The following PKHD1 variants were observed in gnomAD, a reference collection of about 807,000 sequenced individuals.
PKHD1 encodes the protein PKHD1 ciliary IPT domain containing fibrocystin/polyductin, also known as fibrocystin.
PKHD1 carries 291 observed loss-of-function variants against 412.0 expected under a neutral mutation model. The ratio of observed to expected loss-of-function variants is 0.71; its 90% CI spans 0.64 to 0.78. PKHD1 has a LOEUF of 0.78. PKHD1 is among the 30% of genes least tolerant of loss of function. PKHD1 has a pLI of 0.00. For synonymous variants in PKHD1, 1,777 were observed against 1,821.5 expected, an observed-to-expected ratio of 0.98 and a Z score of 0.62; for missense variants, 4,825 against 4,950.7, an observed-to-expected ratio of 0.97 and a Z score of 0.76.
chr6:51,791,687 T>C (rs1793776783), intron 52 of PKHD1, among the ~76,000 whole-genome samples: 1 of 152,212 alleles, frequency 6.6e-6, no homozygotes, highest in Non-Finnish European at 1.5e-5. Context: ...CCCTTTGTCC[T>C]GTCTCTTCAC....
intron 25 of PKHD1, among the ~76,000 whole-genome samples, chr6:52,044,756 T>C (rs1184079106): frequency 1.3e-5 from 2 of 152,224 alleles, no homozygotes; most frequent in African/African-American, 4.8e-5. Flanking sequence ...ATAATTATAA[T>C]AGAATATTGT....
intron 40 of PKHD1, among the ~76,000 whole-genome samples, chr6:51,907,052 C>T (rs1782213997): frequency 6.6e-6 from 1 of 152,050 alleles, no homozygotes; most frequent in Non-Finnish European, 1.5e-5. Context: ...TTGTGCATTG[C>T]ATTGTGCTGG....
chr6:52,076,479 T>C (rs1811346476), intron 5 of PKHD1, 146 bp from the exon 6 acceptor site: 1 of 696,628 alleles, frequency 1.4e-6, no homozygotes, highest in African/African-American at 1.8e-5. Flanking sequence ...CTAGTTCTTT[T>C]TATCTTTGTA....
chr6:51,796,295 A>T (rs1242755083), intron 52 of PKHD1, among the ~76,000 whole-genome samples: 1 of 151,748 alleles, frequency 6.6e-6, no homozygotes. Flanking sequence ...TATGTGCAAG[A>T]GGTGTTTATA....
In PKHD1 at chr6:51,618,863, G is replaced by A; in HGVS notation, c.*218C>T. 1.7e-6 allele frequency: 1 copy of A among 593,876 alleles called. No individual in the cohort carries two copies. The highest frequency in any genetic ancestry group is 2.9e-5 in the East Asian group (1 of 34,490). The allele number at this position is 593,876 out of a possible 1,614,324, so 36.8% of individuals were successfully genotyped here. A position where few individuals can be genotyped will look rare whatever the true frequency, so the allele number is the denominator to read the frequency against. On this transcript the variant is annotated 3_prime_UTR_variant, in exon 67 of 67. Coordinates refer to ENST00000371117, the MANE Select transcript of PKHD1 (RefSeq NM_138694.4). ...CAAGTGCCATTATTTGCCTAGCATT[G>A]AACTAGGATCATGATAGCTGCAAAA...
intron 65 of PKHD1, among the ~76,000 whole-genome samples, chr6:51,632,259 T>C (rs990721489): frequency 6.6e-6 from 1 of 152,094 alleles, no homozygotes; most frequent in Admixed American, 6.6e-5. Context: ...GTTACAATAT[T>C]TTTCACCCAC....
At position 51,619,432 on chromosome 6, in the gene PKHD1, G is replaced by T; in HGVS notation, c.11874C>A (p.His3958Gln). 6.2e-7 allele frequency: 1 copy of T among 1,613,850 alleles called. No individual in the cohort carries two copies. The highest frequency in any genetic ancestry group is 1.1e-5 in the South Asian group (1 of 91,062). Reference protein sequence around the residue: ...NGVSRRKVSRHIVREEEAAVP... With the variant: ...NGVSRRKVSRQIVREEEAAVP... ...CAGCAGCCTCTTCCTCTCGGACAATGTGGCGGCTAACTTTCCTTCTGGACA... is the reference window on the plus strand; with the variant it reads ...CAGCAGCCTCTTCCTCTCGGACAATTTGGCGGCTAACTTTCCTTCTGGACA... The change falls in exon 67 of 67, where the codon CAC becomes CAA. Residue 3958 changes from histidine (H) to glutamine (Q), a missense_variant. By Grantham distance (24) the His-to-Gln change is conservative (BLOSUM62 0). Coordinates refer to ENST00000371117, the MANE Select transcript of PKHD1 (RefSeq NM_138694.4).
chr6:51,892,567 C>T (rs1301150758), intron 43 of PKHD1, among the ~76,000 whole-genome samples: 3 of 152,114 alleles, frequency 2.0e-5, no homozygotes, highest in Non-Finnish European at 4.4e-5. Flanking sequence ...AGTTGAGAAA[C>T]CTTGGTCTAT....
At chr6:52,021,050 T>C (rs1562149357) in intron 33 of PKHD1, among the ~76,000 whole-genome samples, 1 of 152,210 alleles carries the variant, frequency 6.6e-6, no homozygotes, top group Non-Finnish European at 1.5e-5. Flanking sequence ...TCTCAATCTT[T>C]AGACATTGTG....
At chr6:51,824,290 C>A (rs750595230) in intron 52 of PKHD1, among the ~76,000 whole-genome samples, 15 of 152,030 alleles carry the variant, frequency 9.9e-5, no homozygotes, top group Non-Finnish European at 2.2e-4. Context: ...TAGCAAAGCA[C>A]TTTATACTTA....
Position 51,630,884 on chromosome 6 carries a change from G to A in PKHD1, c.11665+1681C>T, listed in dbSNP as rs1283544264. ...TTTTGTTTGTTTAACATAGTTAGGAGTCTGTGCCCAGTAAAGAAAATATGG... is the reference window on the plus strand; with the variant it reads ...TTTTGTTTGTTTAACATAGTTAGGAATCTGTGCCCAGTAAAGAAAATATGG... On this transcript the variant is annotated intron_variant, in intron 65 of 66. Coordinates refer to ENST00000371117, the MANE Select transcript of PKHD1 (RefSeq NM_138694.4). 3.7e-4 allele frequency among the ~76,000 whole-genome samples: 56 copies of A among 152,112 alleles called. 2 individuals are homozygous for A. Among genetic ancestry groups the A allele is most frequent in the Admixed American group, 3.7e-3 (56 of 15,256 alleles).
intron 35 of PKHD1, among the ~76,000 whole-genome samples, chr6:51,971,044 G>A (rs1380547340): frequency 2.6e-5 from 4 of 152,144 alleles, no homozygotes; most frequent in African/African-American, 7.2e-5. Context: ...TTCAATCCGT[G>A]AGCATGAGAT....
chr6:52,033,116 G>A lies in PKHD1; in HGVS notation c.3278C>T (p.Ser1093Phe), dbSNP rs759209828. 5.0e-6 allele frequency: 8 copies of A among 1,610,920 alleles called. 2 individuals are homozygous for A. In the South Asian group the frequency reaches 6.6e-5, roughly 13 times the overall value. ...TGTAAATGCTCTGGGAAGAACTGCA[G>A]AATAGTCCCCTCTGATCACAGTCAC... Reference protein sequence around the residue: ...VNVTVIRGDYSAVLPRAFTYV... With the variant: ...VNVTVIRGDYFAVLPRAFTYV... Residue 1093 changes from serine to phenylalanine, a missense_variant, in exon 29 of 67, where the codon TCT (serine) becomes TTT (phenylalanine). Transcript: ENST00000371117.
chr6:51,794,593 C>T (rs1433001105), intron 52 of PKHD1, among the ~76,000 whole-genome samples: 1 of 152,158 alleles, frequency 6.6e-6, no homozygotes, highest in Non-Finnish European at 1.5e-5. Context: ...AAATCTTCAC[C>T]TGTGCCTTTG....
chr6:52,002,305 T>C (rs930065460), intron 35 of PKHD1, among the ~76,000 whole-genome samples: 55 of 152,350 alleles, frequency 3.6e-4, no homozygotes, highest in African/African-American at 1.3e-3. Flanking sequence ...TAAACAGTTG[T>C]AGTCAGACAG....
intron 44 of PKHD1, 138 bp downstream of exon 44, chr6:51,886,995 A>G: frequency 5.7e-6 from 4 of 705,142 alleles, no homozygotes; most frequent in Middle Eastern, 2.4e-4. Flanking sequence ...TTATACCTCA[A>G]AAAAGCAGTT....
At chr6:51,720,867 G>A (rs1486673943) in intron 60 of PKHD1, 2 of 406,662 alleles carry the variant, frequency 4.9e-6, no homozygotes, top group Non-Finnish European at 6.6e-6. Context: ...TGTACATACA[G>A]CATTTATTAC....
intron 60 of PKHD1, among the ~76,000 whole-genome samples, chr6:51,671,112 A>C (rs1159556022): frequency 6.6e-6 from 1 of 152,054 alleles, no homozygotes; most frequent in Non-Finnish European, 1.5e-5. Context: ...TAGATTGGGG[A>C]AGTTCTCCTG....
chr6:51,679,649 G>A (rs1217528611), intron 60 of PKHD1, among the ~76,000 whole-genome samples: 1 of 151,930 alleles, frequency 6.6e-6, no homozygotes, highest in Non-Finnish European at 1.5e-5. Flanking sequence ...GGAAGCCTGT[G>A]GTAGAAATGC....
Sources: gnomAD v4.1 joint callset for allele counts (sites outside exome capture counted in the v4.1 genomes callset) on GRCh38, gnomAD v4.1.1 for gene constraint, MANE v1.5 for transcripts, NCBI Gene and HGNC (gene_info 2026-07-23, HGNC 2026-07-21) for gene names.